FAM167A: variants seen among roughly 807,000 people sequenced by gnomAD.
The protein encoded by FAM167A is family with sequence similarity 167 member A.
FAM167A carries 23 observed loss-of-function variants against 14.9 expected under a neutral mutation model. The observed-to-expected ratio is 1.55, with a 90% CI of 1.11 to 2.19. The LOEUF (loss-of-function observed/expected upper bound fraction) is 2.19. Ranked by LOEUF, FAM167A falls within the 30% of genes most tolerant of loss-of-function variation. The pLI is 0.00. For synonymous variants in FAM167A, 174 were observed against 117.7 expected, an observed-to-expected ratio of 1.48 and a Z score of -3.10; for missense variants, 401 against 281.5, an observed-to-expected ratio of 1.42 and a Z score of -3.04.
At chr8:11,462,497 G>C (rs1013148593) in intron 1 of FAM167A, among the ~76,000 whole-genome samples, 1 of 152,158 alleles carries the variant, frequency 6.6e-6, no homozygotes. Flanking sequence ...TTGGTCCATC[G>C]AATTGGGAAA....
intron 2 of FAM167A, among the ~76,000 whole-genome samples, chr8:11,429,387 G>A (rs985397483): frequency 2.0e-5 from 3 of 152,240 alleles, no homozygotes; most frequent in African/African-American, 7.2e-5. Context: ...ACAGAGGGCT[G>A]CGCCAGTTCA....
chr8:11,427,127 T>G (rs1333797449), intron 2 of FAM167A, among the ~76,000 whole-genome samples: 1 of 152,232 alleles, frequency 6.6e-6, no homozygotes, highest in African/African-American at 2.4e-5. Flanking sequence ...CTTTGCCTGA[T>G]GCAGTTCCCA....
intron 1 of FAM167A, among the ~76,000 whole-genome samples, chr8:11,472,704 T>C (rs1236327039): frequency 6.6e-6 from 1 of 152,126 alleles, no homozygotes; most frequent in Non-Finnish European, 1.5e-5. Flanking sequence ...GAGCCCTGAG[T>C]AGGAGCCAGG....
At chr8:11,431,366 A>G (rs1028499536) in intron 2 of FAM167A, among the ~76,000 whole-genome samples, 1 of 152,224 alleles carries the variant, frequency 6.6e-6, no homozygotes, top group Non-Finnish European at 1.5e-5. Context: ...GGAAAGCAGG[A>G]CAGTGGTGCC....
intron 1 of FAM167A, among the ~76,000 whole-genome samples, chr8:11,465,768 G>C (rs1324069722): frequency 6.7e-6 from 1 of 149,908 alleles, no homozygotes. Context: ...CCTGTGGATA[G>C]GACGTGATCT....
In FAM167A at chr8:11,424,643, G is replaced by T. The variant is rs1341477501; in HGVS notation, c.382-7C>A. ...CCTGCAGCCGCATCTCCGTCTGGAA[G>T]GGAGGGGGAGCAGGCAGGGTCAGCA... On this transcript the variant is annotated splice_region_variant and splice_polypyrimidine_tract_variant and intron_variant, in intron 2 of 2. Transcript: ENST00000284486. The T allele has an allele frequency of 1.2e-6, 2 of 1,612,958 alleles. No individual in the cohort carries two copies. The highest frequency in any genetic ancestry group is 1.1e-5 in the South Asian group (1 of 91,052).
At chr8:11,449,355 G>A (rs1806927442) in intron 1 of FAM167A, among the ~76,000 whole-genome samples, 1 of 152,214 alleles carries the variant, frequency 6.6e-6, no homozygotes, top group Non-Finnish European at 1.5e-5. Context: ...CCGGCAGAGA[G>A]GTGCTGGCCG....
At chr8:11,426,160 C>G (rs1024774154) in intron 2 of FAM167A, among the ~76,000 whole-genome samples, 9 of 152,228 alleles carry the variant, frequency 5.9e-5, no homozygotes, top group African/African-American at 2.2e-4. Flanking sequence ...TTTCAATCAA[C>G]TGGCAATAAA....
intron 1 of FAM167A, among the ~76,000 whole-genome samples, chr8:11,451,077 C>G (rs1314976224): frequency 1.3e-5 from 2 of 152,260 alleles, no homozygotes; most frequent in African/African-American, 4.8e-5. Flanking sequence ...AAGTGCATCC[C>G]CCTTTCCCAC....
chr8:11,438,725 T>C (rs1806226639), intron 2 of FAM167A: 1 of 362,490 alleles, frequency 2.8e-6, no homozygotes, highest in Non-Finnish European at 5.3e-6. Flanking sequence ...TCTGCCCAGA[T>C]GAATAGAACA....
intron 2 of FAM167A, among the ~76,000 whole-genome samples, chr8:11,435,565 G>A (rs1805947915): frequency 5.3e-5 from 8 of 152,136 alleles, no homozygotes; most frequent in Admixed American, 5.2e-4. Context: ...GGACAGTCCT[G>A]GAGACCTCAC....
At chr8:11,465,861 G>A (rs1807743504) in intron 1 of FAM167A, among the ~76,000 whole-genome samples, 1 of 152,212 alleles carries the variant, frequency 6.6e-6, no homozygotes, top group Non-Finnish European at 1.5e-5. Context: ...TACGGCAGTG[G>A]CCAGCCCCCA....
At chr8:11,468,868 C>G (rs1807866838), upstream of FAM167A, among the ~76,000 whole-genome samples, 1 of 152,160 alleles carries the variant, frequency 6.6e-6, no homozygotes. Context: ...CCCTGTGGCT[C>G]CCATTCTGCC....
chr8:11,475,236 T>C (rs909138243), intron 1 of FAM167A, among the ~76,000 whole-genome samples: 4 of 152,110 alleles, frequency 2.6e-5, no homozygotes, highest in African/African-American at 9.7e-5. Context: ...CCTGTGCCCC[T>C]CCAGCCTGGC....
chr8:11,424,409 C>T lies in FAM167A; in HGVS notation c.609G>A (p.Lys203=). 2 of 1,614,066 alleles carry T rather than the reference C, an allele frequency of 1.2e-6. No homozygotes were observed. Among genetic ancestry groups the T allele is most frequent in the South Asian group, 2.2e-5 (2 of 91,044 alleles). ...AGAACCTCCGAGAGTTGATGTTCAT[C>T]TTGGTCACGCCAATAAGCTTGAGTG... The part of the protein sequence containing the change: ...STPLKLIGVT[K]MNINSRRFSL... Residue 203 remains lysine (K), a synonymous_variant, in exon 3 of 3, where the codon AAG becomes AAA. Transcript: ENST00000284486.
chr8:11,447,183 C>CTTTTCTTTTTTTTTTTTTT (rs146992974), intron 1 of FAM167A, among the ~76,000 whole-genome samples: 2 of 147,014 alleles, frequency 1.4e-5, no homozygotes, highest in Non-Finnish European at 1.5e-5. Flanking sequence ...GGTTTCTTTT[C>CTTTTCTTTTTTTTTTTTTT]TTTTTCTTTT....
At chr8:11,472,769 T>G (rs1380261919) in intron 1 of FAM167A, among the ~76,000 whole-genome samples, 2 of 152,158 alleles carry the variant, frequency 1.3e-5, no homozygotes, top group African/African-American at 2.4e-5. Context: ...TCAAATCACT[T>G]CCTTTGGTTG....
chr8:11,473,784 G>A (rs1277912759), intron 1 of FAM167A, among the ~76,000 whole-genome samples: 1 of 152,134 alleles, frequency 6.6e-6, no homozygotes, highest in South Asian at 2.1e-4. Context: ...TAGAATTAAC[G>A]CCTAGAAAAT....
At chr8:11,475,584 C>T (rs763405959) in intron 1 of FAM167A, among the ~76,000 whole-genome samples, 1 of 152,082 alleles carries the variant, frequency 6.6e-6, no homozygotes, top group Non-Finnish European at 1.5e-5. Flanking sequence ...TCTGAACCTC[C>T]TGCAAAAGTC....
Sources: allele counts gnomAD v4.1 joint callset (sites outside exome capture counted in the v4.1 genomes callset), GRCh38; gene constraint gnomAD v4.1.1; transcripts MANE v1.5; gene names NCBI Gene and HGNC (gene_info 2026-07-23, HGNC 2026-07-21).